COL5A2: variants seen among roughly 807,000 people sequenced by gnomAD.
The protein encoded by COL5A2 is collagen alpha-2(V) chain.
Under a neutral mutation model 208.2 loss-of-function variants are expected in COL5A2, and 23 were observed. The ratio of observed to expected loss-of-function variants is 0.11; its 90% confidence interval spans 0.08 to 0.16. COL5A2 has a LOEUF of 0.16. Ranked by LOEUF, COL5A2 falls within the 10% of genes least tolerant of loss-of-function variation. COL5A2 has a pLI of 1.00. For missense variants in COL5A2, 1,590 were observed against 1,956.4 expected, an observed-to-expected ratio of 0.81 and a Z score of 3.53; for synonymous variants, 625 against 628.5, an observed-to-expected ratio of 0.99 and a Z score of 0.08.
chr2:189,058,707 A>G (rs1685955297), intron 32 of COL5A2, 142 bp downstream of exon 32: 2 of 927,992 alleles, frequency 2.2e-6, no homozygotes, highest in Admixed American at 4.6e-5. Context: ...TTCATAGCAC[A>G]AAATATTTCT....
At chr2:189,209,144 G>A (rs570313863) in intron 1 of COL5A2, among the ~76,000 whole-genome samples, 1 of 152,188 alleles carries the variant, frequency 6.6e-6, no homozygotes, top group Non-Finnish European at 1.5e-5. Context: ...CTTCTACAGT[G>A]ATTCCTTTTA....
At chr2:189,435,769 C>T in the COL5A2 span, among the ~76,000 whole-genome samples, 3 of 152,266 alleles carry the variant, frequency 2.0e-5, no homozygotes, top group African/African-American at 4.8e-5. Context: ...GACAGTGTGG[C>T]GATTCCTCAG....
intron 1 of COL5A2, among the ~76,000 whole-genome samples, chr2:189,222,743 G>C (rs1244375790): frequency 1.3e-5 from 2 of 152,150 alleles, no homozygotes; most frequent in Non-Finnish European, 2.9e-5. Flanking sequence ...TCCTCAGAAG[G>C]GGCAGTTGTG....
At chr2:189,109,541 G>A (rs922803078) in intron 2 of COL5A2, among the ~76,000 whole-genome samples, 8 of 151,984 alleles carry the variant, frequency 5.3e-5, no homozygotes, top group Non-Finnish European at 7.4e-5. Context: ...TAACCTGAAG[G>A]TTTAATATTG....
At chr2:189,224,488 A>C (rs1014863454) in intron 1 of COL5A2, among the ~76,000 whole-genome samples, 1 of 152,106 alleles carries the variant, frequency 6.6e-6, no homozygotes, top group Non-Finnish European at 1.5e-5. Context: ...CAGGAATTCC[A>C]GACCAGCCTG....
intron 50 of COL5A2, 114 bp downstream of exon 50, chr2:189,041,472 T>A (rs1252533148): frequency 1.1e-5 from 9 of 826,498 alleles, no homozygotes; most frequent in Non-Finnish European, 1.3e-5. Flanking sequence ...CTTCTACGTT[T>A]GTTTTCGGGG....
the COL5A2 span, among the ~76,000 whole-genome samples, chr2:189,362,119 T>C: frequency 6.6e-6 from 1 of 152,114 alleles, no homozygotes; most frequent in Non-Finnish European, 1.5e-5. Context: ...CTTTCTTTCA[T>C]AGGCCAGGAT....
At chr2:189,411,168 A>G in the COL5A2 span, among the ~76,000 whole-genome samples, 1 of 152,138 alleles carries the variant, frequency 6.6e-6, no homozygotes, top group Non-Finnish European at 1.5e-5. Flanking sequence ...TGATATTAAT[A>G]ATATTGACGC....
intron 1 of COL5A2, among the ~76,000 whole-genome samples, chr2:189,137,963 G>A (rs1422199617): frequency 6.6e-6 from 1 of 152,116 alleles, no homozygotes; most frequent in Non-Finnish European, 1.5e-5. Context: ...TAATCCAGTT[G>A]AGGACTCCAG....
At chr2:189,275,868 C>G in the COL5A2 span, among the ~76,000 whole-genome samples, 1 of 152,126 alleles carries the variant, frequency 6.6e-6, no homozygotes, top group African/African-American at 2.4e-5. Flanking sequence ...TTAGTTTACT[C>G]TGTTTTGATT....
intron 1 of COL5A2, among the ~76,000 whole-genome samples, chr2:189,159,513 C>A (rs962340152): frequency 6.6e-6 from 1 of 152,128 alleles, no homozygotes; most frequent in Non-Finnish European, 1.5e-5. Context: ...GCTGAACAAG[C>A]ATTATATTTT....
intron 1 of COL5A2, among the ~76,000 whole-genome samples, chr2:189,195,084 C>T (rs1409858917): frequency 6.6e-6 from 1 of 152,016 alleles, no homozygotes; most frequent in African/African-American, 2.4e-5. Flanking sequence ...TTGTCTCAGC[C>T]CCAAAACTCC....
intron 1 of COL5A2, among the ~76,000 whole-genome samples, chr2:189,206,537 G>C (rs1689145711): frequency 6.6e-6 from 1 of 152,168 alleles, no homozygotes; most frequent in Admixed American, 6.5e-5. Flanking sequence ...CCCTGGGATG[G>C]ATAGAAGTTC....
At chr2:189,332,478 T>G in the COL5A2 span, among the ~76,000 whole-genome samples, 1 of 152,208 alleles carries the variant, frequency 6.6e-6, no homozygotes, top group Admixed American at 6.5e-5. Flanking sequence ...AATTCCCATG[T>G]GTTGTGGGAG....
intron 50 of COL5A2, among the ~76,000 whole-genome samples, chr2:189,040,730 A>C (rs988220210): frequency 6.6e-6 from 1 of 152,206 alleles, no homozygotes; most frequent in Non-Finnish European, 1.5e-5. Flanking sequence ...TTAAGAGAAA[A>C]GAAAAGACTT....
chr2:189,317,806 T>G, the COL5A2 span, among the ~76,000 whole-genome samples: 1 of 152,152 alleles, frequency 6.6e-6, no homozygotes, highest in East Asian at 1.9e-4. Context: ...TAGGTAAAAC[T>G]TATTTGCAGG....
At chr2:189,034,334 A>C (rs1326058852) in intron 53 of COL5A2, 118 bp from the exon 54 acceptor site, 1 of 1,007,946 alleles carries the variant, frequency 9.9e-7, no homozygotes, top group Non-Finnish European at 1.5e-6. Context: ...AGTACTACTT[A>C]AAAAAAAGGA....
At chr2:189,139,043 A>G (rs1368584138) in intron 1 of COL5A2, among the ~76,000 whole-genome samples, 1 of 152,190 alleles carries the variant, frequency 6.6e-6, no homozygotes, top group African/African-American at 2.4e-5. Context: ...CAAAGGGTAC[A>G]GAATGGAAAA....
chr2:189,088,780 AG>A lies in COL5A2; in HGVS notation c.568-9del. The A allele has an allele frequency of 6.2e-7, 1 of 1,612,584 alleles. No homozygotes were observed. Among genetic ancestry groups the A allele is most frequent in the Non-Finnish European group, 8.5e-7 (1 of 1,178,644 alleles). ...CATTTGAGCTGAAAACGGCTGTAAA[AG>A]CGATATGTTGACATTATTTCTACAG... On this transcript the variant is annotated splice_polypyrimidine_tract_variant and intron_variant, in intron 7 of 53. Transcript: ENST00000374866.
Sources: gnomAD v4.1 joint callset for allele counts (sites outside exome capture counted in the v4.1 genomes callset) on GRCh38, gnomAD v4.1.1 for gene constraint, MANE v1.5 for transcripts, NCBI Gene and HGNC (gene_info 2026-07-23, HGNC 2026-07-21) for gene names.